The following SP110 variants were observed in gnomAD, a reference collection of about 807,000 sequenced individuals.
SP110 encodes interferon-induced protein 41, 30kD.
A neutral mutation model predicts 92.7 loss-of-function variants in SP110; 62 were observed. That is an observed-to-expected ratio of 0.67 (90% CI 0.55 to 0.83). SP110 has a LOEUF of 0.83. Ranked by LOEUF, SP110 falls within the 40% of genes least tolerant of loss-of-function variation. The pLI, the probability that SP110 is intolerant of heterozygous loss-of-function variation, is 0.00. For synonymous variants in SP110, 273 were observed against 305.3 expected (o/e 0.89, Z 1.10); for missense variants, 793 against 863.9 (o/e 0.92, Z 1.03).
At chr2:230,201,689 C>A (rs1279005786) in intron 9 of SP110, among the ~76,000 whole-genome samples, 1 of 152,212 alleles carries the variant, frequency 6.6e-6, no homozygotes. Flanking sequence ...GATTGAGATA[C>A]AAGCTCACTG....
At position 230,216,911 on chromosome 2, in the gene SP110, CTT is replaced by C; in HGVS notation, c.15_16del (p.Arg6SerfsTer29). On this transcript the variant is annotated frameshift_variant, in exon 2 of 19. Transcript: ENST00000258381. LOFTEE classifies it high-confidence loss of function. ...CTGAAAAAGAGCCTCTTCCATGGCT[CTT>C]GTCATGGTGAACATCCTATGGAAAG... 1 of 1,613,692 alleles carries C rather than the reference CTT, an allele frequency of 6.2e-7. No individual in the cohort carries two copies. Among genetic ancestry groups the C allele is most frequent in the Non-Finnish European group, 8.5e-7 (1 of 1,179,920 alleles).
At chr2:230,184,811 G>T (rs553259904) in intron 11 of SP110, among the ~76,000 whole-genome samples, 1 of 152,242 alleles carries the variant, frequency 6.6e-6, no homozygotes, top group Admixed American at 6.5e-5. Flanking sequence ...AATTGGTAAC[G>T]ATAGGCTAGG....
chr2:230,177,375 G>C, intron 14 of SP110, 163 bp downstream of exon 14: 1 of 774,512 alleles, frequency 1.3e-6, no homozygotes, highest in Non-Finnish European at 2.3e-6. Context: ...AACAATATGT[G>C]CTCCTAACTT....
At chr2:230,222,833 T>C (rs2045932855), upstream of SP110, among the ~76,000 whole-genome samples, 1 of 147,114 alleles carries the variant, frequency 6.8e-6, no homozygotes, top group Non-Finnish European at 1.5e-5. Context: ...GTTTCGTGTG[T>C]ATTAAAGTTT....
In SP110 at chr2:230,214,960, G is replaced by T; in HGVS notation, c.306C>A (p.Ser102Arg). The change falls in exon 3 of 19, where the codon AGC (serine) becomes AGA (arginine). Residue 102 changes from serine to arginine, a missense_variant. Transcript: ENST00000258381. Reference sequence around the variant, plus strand: ...GAGAAATCTCATTACCACGTTTGAAGCTTCTGTAAATCGTCACCAGATTGG... The same window carrying T: ...GAGAAATCTCATTACCACGTTTGAATCTTCTGTAAATCGTCACCAGATTGG... ...EYPNLVTIYR[S>R]FKRVGASYEW... The T allele has an allele frequency of 6.2e-7, 1 of 1,613,898 alleles. No homozygotes were observed. Among genetic ancestry groups the T allele is most frequent in the Non-Finnish European group, 8.5e-7 (1 of 1,179,792 alleles).
chr2:230,219,459 C>A (rs1463887950), intron 1 of SP110: 3 of 152,106 alleles, frequency 2.0e-5, no homozygotes, highest in East Asian at 3.8e-4. Flanking sequence ...AGGAAATAAT[C>A]ATGTATTTAG....
intron 14 of SP110, among the ~76,000 whole-genome samples, chr2:230,177,116 A>G (rs2041897426): frequency 6.6e-6 from 1 of 152,202 alleles, no homozygotes; most frequent in African/African-American, 2.4e-5. Flanking sequence ...TCAGGACAGG[A>G]ATAGTGTGCT....
At chr2:230,177,702 T>C in intron 13 of SP110, 22 bp from the exon 14 acceptor site, 1 of 1,613,532 alleles carries the variant, frequency 6.2e-7, no homozygotes, top group Non-Finnish European at 8.5e-7. Flanking sequence ...AGCCCATTCT[T>C]GGATCTACCC....
rs1454379529 is a variant in SP110, at chr2:230,177,688, A to G, written c.1448-8T>C. On this transcript the variant is annotated splice_polypyrimidine_tract_variant and splice_region_variant and intron_variant, in intron 13 of 18. Transcript: ENST00000258381. ...TGCACTTCACTGAGGATCCTGTAAG[A>G]AAAAGCCCATTCTTGGATCTACCCC... The G allele has an allele frequency of 2.5e-6, 4 of 1,613,884 alleles. No individual in the cohort carries two copies. Among genetic ancestry groups the G allele is most frequent in the Non-Finnish European group, 3.4e-6 (4 of 1,179,936 alleles).
intron 14 of SP110, 94 bp from the exon 15 acceptor site, chr2:230,173,053 C>A: frequency 1.2e-6 from 1 of 859,440 alleles, no homozygotes; most frequent in Non-Finnish European, 1.9e-6. Context: ...TTTGTGTGTG[C>A]CAGAGTGGAT....
At chr2:230,173,746 C>T (rs2041721344) in intron 14 of SP110, 1 of 152,038 alleles carries the variant, frequency 6.6e-6, no homozygotes, top group Admixed American at 6.5e-5. Flanking sequence ...TCCTGTGACC[C>T]CACCTGTGAT....
chr2:230,218,504 TGC>T (rs1246865280), intron 1 of SP110, among the ~76,000 whole-genome samples: 2 of 152,134 alleles, frequency 1.3e-5, no homozygotes, highest in African/African-American at 4.8e-5. Context: ...CAAAGATCAG[TGC>T]AAAGTCAGAG....
intron 10 of SP110, among the ~76,000 whole-genome samples, chr2:230,188,126 A>G (rs1232220691): frequency 6.6e-6 from 1 of 152,086 alleles, no homozygotes; most frequent in African/African-American, 2.4e-5. Context: ...TGAACATGGG[A>G]TGTGTTTCTA....
upstream of SP110, among the ~76,000 whole-genome samples, chr2:230,222,469 A>T (rs911849477): frequency 2.6e-5 from 4 of 152,180 alleles, no homozygotes; most frequent in Non-Finnish European, 5.9e-5. Context: ...CTATAATCCC[A>T]GCATTCTGGG....
At chr2:230,215,699 G>A (rs994532730) in intron 2 of SP110, among the ~76,000 whole-genome samples, 4 of 152,180 alleles carry the variant, frequency 2.6e-5, no homozygotes, top group Admixed American at 6.5e-5. Flanking sequence ...TACTAGGCTC[G>A]GTCAGCGAGT....
chr2:230,202,521 C>T, intron 9 of SP110, 58 bp downstream of exon 9: 1 of 1,557,772 alleles, frequency 6.4e-7, no homozygotes, highest in Non-Finnish European at 8.9e-7. Flanking sequence ...GTACCTGCTT[C>T]AGGAGAGACC....
rs752531569 is a variant in SP110, at chr2:230,178,265, G to A, written c.1349-10C>T. The A allele has an allele frequency of 2.3e-5, 35 of 1,524,870 alleles. No homozygotes were observed. The highest frequency in any genetic ancestry group is 3.0e-5 in the Non-Finnish European group (33 of 1,100,726). The allele number at this position is 1,524,870 out of a possible 1,614,324, so 94.5% of individuals were successfully genotyped here. A position where few individuals can be genotyped will look rare whatever the true frequency, so the allele number is the denominator to read the frequency against. On this transcript the variant is annotated splice_polypyrimidine_tract_variant and intron_variant, in intron 12 of 18. Transcript: ENST00000258381. The stretch of plus-strand genomic sequence containing the variant: ...TCACTTTTGGGTTTTCCTTAAAGTA[G>A]AAGAGAACAGTTTTGTGTTATTCAG...
chr2:230,171,662 A>C, intron 17 of SP110, 34 bp downstream of exon 17: 1 of 1,553,120 alleles, frequency 6.4e-7, no homozygotes, highest in Non-Finnish European at 8.9e-7. Context: ...CTCCAAATGC[A>C]TTTTATGCAA....
rs993552889 is a variant in SP110, at chr2:230,170,478, G to A, written c.2028+143C>T. 99 of 932,064 alleles carry A rather than the reference G, an allele frequency of 1.1e-4. No homozygotes were observed. In the Admixed American group the frequency reaches 1.8e-3, roughly 17 times the overall value. The allele number at this position is 932,064 out of a possible 1,614,324, so 57.7% of individuals were successfully genotyped here. On this transcript the variant is annotated intron_variant, in intron 18 of 18. Transcript: ENST00000258381. ...CTCACTCCTTGCCTCCAGGAATGCC[G>A]AGGTGGTTTTTTTTCTGTAATCCTT...
Sources: allele counts gnomAD v4.1 joint callset (sites outside exome capture counted in the v4.1 genomes callset), GRCh38; gene constraint gnomAD v4.1.1; transcripts MANE v1.5; gene names NCBI Gene and HGNC (gene_info 2026-07-23, HGNC 2026-07-21).